Variants in GRM7 observed in about 807,000 individuals in gnomAD.
The protein encoded by GRM7 is metabotropic glutamate receptor 7.
In GRM7, 35 loss-of-function variants were observed where a neutral mutation model predicts 84.5. The observed-to-expected ratio is 0.41, with a 90% confidence interval of 0.32 to 0.55. The LOEUF (loss-of-function observed/expected upper bound fraction) is 0.55, where lower values mean the gene tolerates loss of function less well. GRM7 is among the 20% of genes least tolerant of loss of function. The pLI is 0.19. For synonymous variants in GRM7, 487 were observed against 455.1 expected (o/e 1.07, Z -0.89); for missense variants, 1,003 against 1,194.6 (o/e 0.84, Z 2.36).
At chr3:7,045,392 ATTTC>A (rs1213056316) in intron 1 of GRM7, among the ~76,000 whole-genome samples, 1 of 152,174 alleles carries the variant, frequency 6.6e-6, no homozygotes, top group African/African-American at 2.4e-5. Flanking sequence ...AAGATCTAGT[ATTTC>A]TTTCTTTAAG....
At chr3:7,099,238 GTATATATGAATACATGTAT>G (rs1698967425) in intron 1 of GRM7, among the ~76,000 whole-genome samples, 3 of 114,048 alleles carry the variant, frequency 2.6e-5, no homozygotes, top group Non-Finnish European at 4.9e-5. Context: ...TATTATACAT[GTATATATGAATACATGTAT>G]TATACATGTA....
intron 4 of GRM7, among the ~76,000 whole-genome samples, chr3:7,310,517 C>A (rs1700353919): frequency 6.6e-6 from 1 of 152,158 alleles, no homozygotes; most frequent in Admixed American, 6.5e-5. Context: ...CTGCAATGGT[C>A]TACCTGTGTC....
At chr3:7,730,985 C>T (rs1702309038) in intron 9 of GRM7, among the ~76,000 whole-genome samples, 1 of 152,090 alleles carries the variant, frequency 6.6e-6, no homozygotes, top group Non-Finnish European at 1.5e-5. Context: ...TGTTTTAAGA[C>T]AGAGACTTTG....
intron 2 of GRM7, among the ~76,000 whole-genome samples, chr3:7,270,409 A>G (rs942911632): frequency 1.3e-5 from 2 of 152,232 alleles, no homozygotes; most frequent in African/African-American, 2.4e-5. Flanking sequence ...ATGATGGGCC[A>G]TAAGTATTGA....
rs1433622557 is a variant in GRM7 at position 7,210,802 on chromosome 3, T to C, written c.736+64134T>C. On this transcript the variant is annotated intron_variant, in intron 2 of 9. Coordinates refer to ENST00000357716, the MANE Select transcript of GRM7 (RefSeq NM_000844.4). Reference sequence around the variant, plus strand: ...ACAATTATGAACATGCTGTGTATTGTTTTTTTTTTTTTTTGAGGAATTATA... The same window carrying C: ...ACAATTATGAACATGCTGTGTATTGCTTTTTTTTTTTTTTGAGGAATTATA... Among the ~76,000 whole-genome samples, 3 of 5,032 alleles carry C rather than the reference T, an allele frequency of 6.0e-4. 1 individual carries two copies. The highest frequency in any genetic ancestry group is 3.3e-3 in the East Asian group (2 of 602). 3.3% of individuals were successfully genotyped at this position (5,032 alleles called of 152,430 possible).
At chr3:7,305,347 T>TGTCA (rs1303743370) in intron 3 of GRM7, among the ~76,000 whole-genome samples, 2 of 98,900 alleles carry the variant, frequency 2.0e-5, no homozygotes, top group African/African-American at 3.2e-5. Flanking sequence ...TTTTTTCTTT[T>TGTCA]TTTTTTTTTT....
intron 2 of GRM7, among the ~76,000 whole-genome samples, chr3:7,259,373 C>A (rs778517158): frequency 6.6e-6 from 1 of 152,114 alleles, no homozygotes; most frequent in Non-Finnish European, 1.5e-5. Context: ...AAGATTATTT[C>A]ATCATCCAGG....
chr3:7,581,019 G>A (rs1695223226), intron 8 of GRM7, among the ~76,000 whole-genome samples: 1 of 152,122 alleles, frequency 6.6e-6, no homozygotes, highest in African/African-American at 2.4e-5. Flanking sequence ...AATACCTCAT[G>A]CAACAGGTTG....
At chr3:7,408,367 C>G (rs1695770973) in intron 4 of GRM7, among the ~76,000 whole-genome samples, 1 of 152,138 alleles carries the variant, frequency 6.6e-6, no homozygotes, top group Admixed American at 6.5e-5. Flanking sequence ...CTACCTCATC[C>G]ATAAACACTT....
At chr3:7,666,618 A>G (rs1028694078) in intron 8 of GRM7, among the ~76,000 whole-genome samples, 1 of 152,212 alleles carries the variant, frequency 6.6e-6, no homozygotes, top group African/African-American at 2.4e-5. Flanking sequence ...AAAACGTTAG[A>G]ACTTAAAAAT....
At chr3:7,182,615 G>A (rs1218791048) in intron 2 of GRM7, among the ~76,000 whole-genome samples, 1 of 152,164 alleles carries the variant, frequency 6.6e-6, no homozygotes, top group East Asian at 1.9e-4. Context: ...GTGGCTTTGT[G>A]TGTTTTATTT....
intron 2 of GRM7, among the ~76,000 whole-genome samples, chr3:7,183,866 A>G (rs981845017): frequency 1.3e-5 from 2 of 152,172 alleles, no homozygotes; most frequent in African/African-American, 4.8e-5. Context: ...CAGTATGAAA[A>G]CATTGAAGAA....
chr3:7,312,579 T>C (rs768191816), intron 4 of GRM7, among the ~76,000 whole-genome samples: 1 of 152,190 alleles, frequency 6.6e-6, no homozygotes, highest in Non-Finnish European at 1.5e-5. Flanking sequence ...GTGACTGATG[T>C]TCTTGACATT....
In GRM7 at chr3:7,433,207, C is replaced by T. The variant is rs142775978; in HGVS notation, c.1174+18044C>T. 3.1e-3 allele frequency among the ~76,000 whole-genome samples: 475 copies of T among 152,274 alleles called. 4 individuals carry two copies. Among genetic ancestry groups the T allele is most frequent in the African/African-American group, 0.011 (437 of 41,546 alleles). On this transcript the variant is annotated intron_variant, in intron 5 of 9. Coordinates refer to ENST00000357716, the MANE Select transcript of GRM7 (RefSeq NM_000844.4). ...TTTTATGTAGCCTGGTTCAAACATT[C>T]TTATCTTGAGAATCAAGAAGTCTAC...
chr3:7,600,387 G>C (rs1284843047), intron 8 of GRM7, among the ~76,000 whole-genome samples: 2 of 152,040 alleles, frequency 1.3e-5, no homozygotes, highest in Non-Finnish European at 2.9e-5. Flanking sequence ...GGCTGGCAGA[G>C]GGACAAGTTT....
chr3:7,258,396 G>A (rs1373088665), intron 2 of GRM7, among the ~76,000 whole-genome samples: 1 of 152,140 alleles, frequency 6.6e-6, no homozygotes, highest in Non-Finnish European at 1.5e-5. Flanking sequence ...GGCCTGGGGT[G>A]TAAAGAGGTA....
chr3:7,690,057 A>T (rs1346353985), intron 9 of GRM7, among the ~76,000 whole-genome samples: 1 of 152,190 alleles, frequency 6.6e-6, no homozygotes, highest in Non-Finnish European at 1.5e-5. Flanking sequence ...AGGCAGCCAT[A>T]AACGGAAAGG....
intron 2 of GRM7, among the ~76,000 whole-genome samples, chr3:7,296,834 A>C (rs75801491): frequency 1.3e-5 from 2 of 151,416 alleles, no homozygotes; most frequent in Admixed American, 1.3e-4. Flanking sequence ...AAAAAAAAAA[A>C]GCTGGGATCT....
At chr3:7,491,141 C>G (rs1699503109) in intron 7 of GRM7, among the ~76,000 whole-genome samples, 1 of 151,740 alleles carries the variant, frequency 6.6e-6, no homozygotes, top group Non-Finnish European at 1.5e-5. Flanking sequence ...TAGAGGTTAT[C>G]TATTTTTGCT....
Sources: allele counts gnomAD v4.1 joint callset (sites outside exome capture counted in the v4.1 genomes callset), GRCh38; gene constraint gnomAD v4.1.1; transcripts MANE v1.5; gene names NCBI Gene and HGNC (gene_info 2026-07-23, HGNC 2026-07-21).